The following SMOC2 variants were observed in gnomAD, a reference collection of about 807,000 sequenced individuals.
SMOC2 encodes the protein SPARC-related modular calcium-binding protein 2.
Under a neutral mutation model 61.4 loss-of-function variants are expected in SMOC2, and 39 were observed. That is an observed-to-expected ratio of 0.64 (90% CI 0.49 to 0.83). The LOEUF (loss-of-function observed/expected upper bound fraction) is 0.83. SMOC2 is among the 40% of genes least tolerant of loss of function. The pLI is 0.00. For missense variants in SMOC2, 556 were observed against 592.9 expected, an observed-to-expected ratio of 0.94 and a Z score of 0.65; for synonymous variants, 247 against 239.9, an observed-to-expected ratio of 1.03 and a Z score of -0.27.
intron 1 of SMOC2, among the ~76,000 whole-genome samples, chr6:168,472,822 G>T (rs1409070961): frequency 6.6e-6 from 1 of 152,044 alleles, no homozygotes; most frequent in Non-Finnish European, 1.5e-5. Context: ...TAGGGGAAAT[G>T]GGGAAATGCT....
chr6:168,584,997 G>A (rs1022244554), intron 7 of SMOC2, among the ~76,000 whole-genome samples: 3 of 152,152 alleles, frequency 2.0e-5, no homozygotes, highest in Non-Finnish European at 4.4e-5. Flanking sequence ...TCCCTCTGTT[G>A]CCCAGGTTGG....
intron 1 of SMOC2, among the ~76,000 whole-genome samples, chr6:168,478,091 T>C (rs1184886448): frequency 1.3e-5 from 2 of 152,146 alleles, no homozygotes; most frequent in African/African-American, 4.8e-5. Context: ...CCTTTACCCT[T>C]GAAGGGAAGT....
intron 1 of SMOC2, among the ~76,000 whole-genome samples, chr6:168,464,203 G>GAGGAAGGAAGAAAGGA (rs1562541610): frequency 1.8e-5 from 2 of 112,208 alleles, no homozygotes; most frequent in Non-Finnish European, 3.7e-5. Flanking sequence ...AAAAAAAAAA[G>GAGGAAGGAAGAAAGGA]AGGAAGGAAG....
rs781143901 is a variant in SMOC2, at chr6:168,598,876, C to T, written c.696C>T (p.Asn232=). The change falls in exon 8 of 13, where the codon AAC becomes AAT. Residue 232 remains asparagine, a synonymous_variant. Coordinates refer to ENST00000356284, the MANE Select transcript of SMOC2 (RefSeq NM_001166412.2). ...TGGAGGAAGCCAAGCAGCCCAAGAA[C>T]GACAATGTGGTGATCCCTGAGTGTG... ...SALEEAKQPK[N]DNVVIPECAH... 1.5e-5 allele frequency: 25 copies of T among 1,613,782 alleles called. 2 individuals are homozygous for T. The South Asian group carries it at 2.3e-4, about 15-fold the overall frequency.
intron 1 of SMOC2, among the ~76,000 whole-genome samples, chr6:168,503,419 C>T (rs778663551): frequency 4.6e-5 from 7 of 152,092 alleles, no homozygotes; most frequent in South Asian, 2.1e-4. Context: ...ACTTACGTCA[C>T]GTCTCCACAG....
chr6:168,498,399 C>T (rs1782643241), intron 1 of SMOC2, among the ~76,000 whole-genome samples: 1 of 152,210 alleles, frequency 6.6e-6, no homozygotes, highest in Non-Finnish European at 1.5e-5. Flanking sequence ...TTCCAGGGAA[C>T]CCTAAGGACA....
In SMOC2 at chr6:168,640,510, C is replaced by A. The variant is rs570563161; in HGVS notation, c.908-10171C>A. Among the ~76,000 whole-genome samples, 16 of 152,272 alleles carry A rather than the reference C, an allele frequency of 1.1e-4. 1 individual carries two copies. In the South Asian group the frequency reaches 3.3e-3, roughly 32 times the overall value. ...CTGATTGGCCCTTGAGGAGACAATG[C>A]AACATCACAGTGTGCTCAGAAAACA... On this transcript the variant is annotated intron_variant, in intron 9 of 12. Coordinates refer to ENST00000356284, the MANE Select transcript of SMOC2 (RefSeq NM_001166412.2).
intron 7 of SMOC2, among the ~76,000 whole-genome samples, chr6:168,564,514 A>G (rs1395366942): frequency 6.6e-6 from 1 of 152,218 alleles, no homozygotes; most frequent in East Asian, 1.9e-4. Flanking sequence ...TAGCTAAGCT[A>G]GAAAGCCTGA....
chr6:168,458,247 C>A (rs1781635730), intron 1 of SMOC2, among the ~76,000 whole-genome samples: 1 of 152,130 alleles, frequency 6.6e-6, no homozygotes, highest in South Asian at 2.1e-4. Flanking sequence ...CTCACCCTGC[C>A]CCTCCGGGGG....
Position 168,441,351 on chromosome 6 carries a change from C to G in SMOC2, c.-20C>G, listed in dbSNP as rs956568763. The G allele has an allele frequency of 6.7e-6, 10 of 1,500,328 alleles. No individual in the cohort carries two copies. The African/African-American group carries it at 1.5e-4, about 22-fold the overall frequency. 92.9% of individuals were successfully genotyped at this position (1,500,328 alleles called of 1,614,324 possible). A position where few individuals can be genotyped will look rare whatever the true frequency, so the allele number is the denominator to read the frequency against. ...GGCGCAGGACGCGGCCGATCTCCCG[C>G]TCCCGCCACCTCCGCCACCATGCTG... On this transcript the variant is annotated 5_prime_UTR_variant, in exon 1 of 13. Coordinates refer to ENST00000356284, the MANE Select transcript of SMOC2 (RefSeq NM_001166412.2).
chr6:168,612,032 G>A (rs574292925), intron 9 of SMOC2, among the ~76,000 whole-genome samples: 1 of 152,304 alleles, frequency 6.6e-6, no homozygotes, highest in South Asian at 2.1e-4. Context: ...GAAGGATGTA[G>A]GCAGTTTTCT....
intron 9 of SMOC2, among the ~76,000 whole-genome samples, chr6:168,628,996 T>C (rs1786493867): frequency 6.6e-6 from 1 of 152,194 alleles, no homozygotes; most frequent in Admixed American, 6.5e-5. Flanking sequence ...ACCCTCCGCG[T>C]TGGCTGGCAG....
At chr6:168,568,394 A>G (rs9456200) in intron 7 of SMOC2, among the ~76,000 whole-genome samples, 82,064 of 152,112 alleles carry the variant, frequency 0.54, 24,282 homozygotes, top group African/African-American at 0.8. Context: ...CACCTCCACC[A>G]CTTTTCCTGG....
At chr6:168,599,609 CCA>C (rs1274055833) in intron 8 of SMOC2, among the ~76,000 whole-genome samples, 4 of 99,838 alleles carry the variant, frequency 4.0e-5, no homozygotes, top group Admixed American at 2.2e-4. Flanking sequence ...CCCCACACAC[CCA>C]CACACACTCA....
At chr6:168,464,839 A>G (rs931676919) in intron 1 of SMOC2, among the ~76,000 whole-genome samples, 9 of 152,248 alleles carry the variant, frequency 5.9e-5, no homozygotes, top group Non-Finnish European at 1.0e-4. Flanking sequence ...GCCAGGGAGG[A>G]ACATTGTAAG....
At chr6:168,579,392 A>T (rs577420794) in intron 7 of SMOC2, among the ~76,000 whole-genome samples, 1 of 152,302 alleles carries the variant, frequency 6.6e-6, no homozygotes, top group Admixed American at 6.5e-5. Flanking sequence ...TTTATTTCTC[A>T]TCAGCTGTAT....
chr6:168,577,363 T>C (rs1017810287), intron 7 of SMOC2, among the ~76,000 whole-genome samples: 3 of 152,136 alleles, frequency 2.0e-5, no homozygotes, highest in African/African-American at 7.2e-5. Flanking sequence ...TCTAAACAAG[T>C]GCTCTCTCTC....
At chr6:168,615,579 C>T (rs1177605429) in intron 9 of SMOC2, among the ~76,000 whole-genome samples, 1 of 115,600 alleles carries the variant, frequency 8.7e-6, no homozygotes, top group African/African-American at 3.3e-5. Context: ...AGCACAGGGC[C>T]TCTTCATACC....
At chr6:168,454,913 C>T (rs1028209377) in intron 1 of SMOC2, among the ~76,000 whole-genome samples, 2 of 152,042 alleles carry the variant, frequency 1.3e-5, no homozygotes, top group East Asian at 1.9e-4. Flanking sequence ...GCCAGGGTCC[C>T]GGTTTGAGAC....
Sources: gnomAD v4.1 joint callset for allele counts (sites outside exome capture counted in the v4.1 genomes callset) on GRCh38, gnomAD v4.1.1 for gene constraint, MANE v1.5 for transcripts, NCBI Gene and HGNC (gene_info 2026-07-23, HGNC 2026-07-21) for gene names.